Variants in UMODL1 observed in about 807,000 individuals in gnomAD.
The protein encoded by UMODL1 is uromodulin like 1.
Under a neutral mutation model 136.3 loss-of-function variants are expected in UMODL1, and 128 were observed. That is an observed-to-expected ratio of 0.94 (90% confidence interval 0.81 to 1.09). The LOEUF is 1.09. Among genes scored for constraint, UMODL1 ranks in the 50% least tolerant of loss-of-function variants. UMODL1 has a pLI of 0.00. For missense variants in UMODL1, 1,766 were observed against 1,725.6 expected (o/e 1.02, Z -0.41); for synonymous variants, 721 against 720.0 (o/e 1.00, Z -0.02).
intron 14 of UMODL1, 68 bp from the exon 15 acceptor site, chr21:42,119,043 C>G (rs1601252484): frequency 6.6e-7 from 1 of 1,523,152 alleles, no homozygotes; most frequent in African/African-American, 1.4e-5. Flanking sequence ...GCAGGAGGAA[C>G]CGCCTTGAGA....
rs981179593 is a variant in UMODL1, at chr21:42,142,716, C to T, written c.*642C>T. On this transcript the variant is annotated 3_prime_UTR_variant, in exon 23 of 23. Coordinates refer to ENST00000408910, the MANE Select transcript of UMODL1 (RefSeq NM_001004416.3). ...TTAATGTGACAACCTTTTCAATAAG[C>T]AGAAATAACGTAGGTACACATCACT... 1 of 152,184 alleles carries T rather than the reference C, an allele frequency of 6.6e-6. No individual in the cohort carries two copies. Among genetic ancestry groups the T allele is most frequent in the Non-Finnish European group, 1.5e-5 (1 of 68,034 alleles). 9.4% of individuals were successfully genotyped at this position (152,184 alleles called of 1,614,324 possible). A position where few individuals can be genotyped will look rare whatever the true frequency, so the allele number is the denominator to read the frequency against.
At position 42,099,711 on chromosome 21, in the gene UMODL1, C is replaced by T. The variant is rs186534362; in HGVS notation, c.1186+531C>T. 1.0e-3 allele frequency among the ~76,000 whole-genome samples: 152 copies of T among 152,236 alleles called. No homozygotes were observed. Among genetic ancestry groups the T allele is most frequent in the African/African-American group, 3.4e-3 (141 of 41,528 alleles). On this transcript the variant is annotated intron_variant, in intron 7 of 22. Transcript: ENST00000408910. This position sits in a 1 kb window ranked among gnomAD's most constrained non-coding sequence, Gnocchi z 4.1. ...GTTTTTTCTTTTTGAGACAGGGTCT[C>T]GCTCTGTCACCCAGGCTGGAGTGTA...
rs369099986 is a variant in UMODL1, at chr21:42,109,688, G to T, written c.1646G>T (p.Arg549Leu). 6.2e-7 allele frequency: 1 copy of T among 1,603,020 alleles called. No homozygotes were observed. The highest frequency in any genetic ancestry group is 1.7e-5 in the Admixed American group (1 of 59,990). Residue 549 changes from arginine to leucine, a missense_variant, in exon 10 of 23, where the codon CGG (arginine) becomes CTG (leucine). Transcript: ENST00000408910. ...TRDATPSRAG[R>L]ACEGDLVSPM... ...GACGCCACCCCCTCCCGCGCAGGCC[G>T]GGCCTGTGAGGGTACGTGTCGACCC...
rs1364080390 is a variant in UMODL1 at position 42,099,554 on chromosome 21, T to C, written c.1186+374T>C. On this transcript the variant is annotated intron_variant, in intron 7 of 22. Coordinates refer to ENST00000408910, the MANE Select transcript of UMODL1 (RefSeq NM_001004416.3). The surrounding 1 kb of genome is among the most constrained non-coding windows in gnomAD (Gnocchi z 4.1). The stretch of plus-strand genomic sequence containing the variant: ...CAGGCAGATCCGGACCCTGCCCGCT[T>C]ACCCAGCAGCACTGAGGCCGTCTAA... 6.6e-6 allele frequency among the ~76,000 whole-genome samples: 1 copy of C among 152,160 alleles called. No homozygotes were observed. The highest frequency in any genetic ancestry group is 1.5e-5 in the Non-Finnish European group (1 of 68,020).
intron 19 of UMODL1, 50 bp downstream of exon 19, chr21:42,127,292 A>G (rs1231159984): frequency 1.3e-6 from 2 of 1,515,662 alleles, no homozygotes; most frequent in Admixed American, 1.7e-5. Flanking sequence ...CTGGGGCTTT[A>G]TTAACAATAG....
chr21:42,086,437 G>T, intron 4 of UMODL1: 2 of 442,020 alleles, frequency 4.5e-6, no homozygotes, highest in Non-Finnish European at 9.1e-6. Context: ...ACCTCATGTT[G>T]TTCTGGGCTG....
chr21:42,138,292 T>A (rs3819146), intron 22 of UMODL1, among the ~76,000 whole-genome samples: 24,342 of 152,162 alleles, frequency 0.16, 1,979 homozygotes, highest in South Asian at 0.27. Context: ...CTAACGATGG[T>A]CCTCGGCCGA....
At chr21:42,117,972 ATAATTATACAAC>A (rs2066921655) in intron 14 of UMODL1, among the ~76,000 whole-genome samples, 1 of 152,144 alleles carries the variant, frequency 6.6e-6, no homozygotes, top group South Asian at 2.1e-4. Context: ...AGGACAGCAA[ATAATTATACAAC>A]TTAATCACAG....
At chr21:42,071,306 A>G (rs1200203029), upstream of UMODL1, 1 of 1,562,114 alleles carries the variant, frequency 6.4e-7, no homozygotes, top group East Asian at 2.4e-5. Context: ...TACTGCCACC[A>G]CTGCCGGACG....
At chr21:42,086,688 A>G (rs2066430541) in intron 4 of UMODL1, 1 of 450,140 alleles carries the variant, frequency 2.2e-6, no homozygotes, top group Admixed American at 2.4e-5. Context: ...ATAATCGGCC[A>G]GGAGTGGTGG....
At chr21:42,083,578 C>T (rs2066387785) in intron 2 of UMODL1, among the ~76,000 whole-genome samples, 1 of 152,396 alleles carries the variant, frequency 6.6e-6, no homozygotes, top group Admixed American at 6.5e-5. Context: ...TTCCAATCCC[C>T]CACACTGCTT....
chr21:42,098,629 G>A (rs879753886), intron 6 of UMODL1, among the ~76,000 whole-genome samples: 9 of 152,180 alleles, frequency 5.9e-5, no homozygotes, highest in Middle Eastern at 3.4e-3. Flanking sequence ...TTAGCCGGGC[G>A]TGGTGGCGAG....
intron 17 of UMODL1, among the ~76,000 whole-genome samples, chr21:42,125,172 A>C (rs1341820075): frequency 6.6e-6 from 1 of 152,080 alleles, no homozygotes; most frequent in Non-Finnish European, 1.5e-5. Flanking sequence ...CAAAGTGGGA[A>C]CCGGGTGGAC....
intron 2 of UMODL1, among the ~76,000 whole-genome samples, chr21:42,083,199 G>A (rs1487648875): frequency 1.3e-5 from 2 of 152,220 alleles, no homozygotes; most frequent in African/African-American, 4.8e-5. Flanking sequence ...CCACATGGGC[G>A]AGCAGTGGAC....
At chr21:42,140,750 C>G (rs989774237) in intron 22 of UMODL1, among the ~76,000 whole-genome samples, 1 of 152,142 alleles carries the variant, frequency 6.6e-6, no homozygotes, top group Non-Finnish European at 1.5e-5. Flanking sequence ...TGAGCCTCCC[C>G]GGGAGGCAGG....
intron 1 of UMODL1, among the ~76,000 whole-genome samples, chr21:42,072,065 A>AAAC (rs1013406853): frequency 6.6e-6 from 1 of 151,686 alleles, no homozygotes; most frequent in Non-Finnish European, 1.5e-5. Flanking sequence ...ACAAACAAAC[A>AAAC]AAAAAAGCCA....
In UMODL1 at chr21:42,091,309, C is replaced by T. The variant is rs116072939; in HGVS notation, c.931+871C>T. The stretch of plus-strand genomic sequence containing the variant: ...AACCACGAGGATAAGCTGGGACCAT[C>T]CCTAGCATCGCGGGATCAGCCTGGA... On this transcript the variant is annotated intron_variant, in intron 6 of 22. Transcript: ENST00000408910. Among the ~76,000 whole-genome samples the T allele has an allele frequency of 5.6e-4, 86 of 152,312 alleles. 1 individual carries two copies. The highest frequency in any genetic ancestry group is 2.0e-3 in the African/African-American group (83 of 41,560).
chr21:42,121,027 G>T lies in UMODL1; in HGVS notation c.2690-60G>T, dbSNP rs115691131. The T allele has an allele frequency of 7.7e-4, 1,206 of 1,568,004 alleles. 14 individuals are homozygous for T. In the African/African-American group the frequency reaches 0.015, roughly 19 times the overall value. On this transcript the variant is annotated intron_variant, in intron 15 of 22. Transcript: ENST00000408910. Reference sequence around the variant, plus strand: ...AGATGCACTCTCCCCCAACCAGGCTGCTGTGAGACCACAAGCCCCCAGGGA... The same window carrying T: ...AGATGCACTCTCCCCCAACCAGGCTTCTGTGAGACCACAAGCCCCCAGGGA...
intron 21 of UMODL1, among the ~76,000 whole-genome samples, chr21:42,134,233 T>C (rs902850856): frequency 6.6e-6 from 1 of 152,248 alleles, no homozygotes; most frequent in African/African-American, 2.4e-5. Context: ...GTTCAACACA[T>C]AGGTAACCCT....
Sources: gnomAD v4.1 joint callset for allele counts (sites outside exome capture counted in the v4.1 genomes callset) on GRCh38, gnomAD v4.1.1 for gene constraint, Gnocchi (gnomAD v3.1) non-coding constraint, MANE v1.5 for transcripts, NCBI Gene and HGNC (gene_info 2026-07-23, HGNC 2026-07-21) for gene names.